The following RPS6KA6 variants were observed in gnomAD, a reference collection of about 807,000 sequenced individuals.
The protein encoded by RPS6KA6 is ribosomal protein S6 kinase A6, also known as ribosomal protein S6 kinase alpha-6.
RPS6KA6 carries 27 observed loss-of-function variants against 65.4 expected under a neutral mutation model. That is an observed-to-expected ratio of 0.41 (90% CI 0.30 to 0.57). RPS6KA6 has a LOEUF of 0.57. Ranked by LOEUF, RPS6KA6 falls within the 20% of genes least tolerant of loss-of-function variation. The probability of loss-of-function intolerance (pLI) is 0.24; values close to 1 mark genes in which losing one functional copy is unlikely to be tolerated. For synonymous variants in RPS6KA6, 190 were observed against 184.2 expected, an observed-to-expected ratio of 1.03 and a Z score of -0.26; for missense variants, 486 against 555.6, an observed-to-expected ratio of 0.87 and a Z score of 1.26.
intron 1 of RPS6KA6, among the ~76,000 whole-genome samples, chrX:84,178,912 GA>G (rs200070157): frequency 0.055 from 5,690 of 103,852 alleles, 200 homozygotes; most frequent in East Asian, 0.21. Context: ...ATTCATAAAA[GA>G]AAAAAAAAAC....
chrX:84,106,829 A>G, intron 14 of RPS6KA6, 81 bp downstream of exon 14: 3 of 836,726 alleles, frequency 3.6e-6, no homozygotes. Context: ...AATCACTTTA[A>G]AAAAAACGAT....
At chrX:84,182,057 T>TCA (rs777572595) in intron 1 of RPS6KA6, among the ~76,000 whole-genome samples, 9 of 98,417 alleles carry the variant, frequency 9.1e-5, no homozygotes, top group African/African-American at 3.3e-4. Context: ...TCTCTCTCTC[T>TCA]CTCTCTCACA....
chrX:84,161,764 T>C (rs1376108804), intron 2 of RPS6KA6, among the ~76,000 whole-genome samples: 1 of 111,988 alleles, frequency 8.9e-6, no homozygotes, highest in Admixed American at 9.5e-5. Flanking sequence ...TTTCAAAATA[T>C]ACATTTTCAG....
chrX:84,104,131 G>C (rs1391885335), intron 17 of RPS6KA6, among the ~76,000 whole-genome samples: 2 of 110,704 alleles, frequency 1.8e-5, no homozygotes, highest in East Asian at 5.6e-4. Flanking sequence ...CAAGGTTCAA[G>C]ATACATGTTA....
chrX:84,171,489 A>G (rs1288518423), intron 1 of RPS6KA6, among the ~76,000 whole-genome samples: 1 of 111,761 alleles, frequency 8.9e-6, no homozygotes, highest in Admixed American at 9.5e-5. Flanking sequence ...CTCATTTGGT[A>G]GAAATAAAAC....
At position 84,187,910 on chromosome X, in the gene RPS6KA6, G is replaced by A. The variant is rs763804397; in HGVS notation, c.-11C>T. The A allele has an allele frequency of 1.7e-6, 2 of 1,183,260 alleles. No individual in the cohort carries two copies. Among genetic ancestry groups the A allele is most frequent in the Admixed American group, 4.5e-5 (2 of 44,068 alleles). On this transcript the variant is annotated 5_prime_UTR_variant, in exon 1 of 22. Transcript: ENST00000262752. ...AGCGAATGGTAGCATCTCCCCTTCA[G>A]GAGCACTCAAACAGGAGCTGCCGCC...
intron 1 of RPS6KA6, among the ~76,000 whole-genome samples, chrX:84,168,948 GTGTA>G (rs1569242764): frequency 8.9e-6 from 1 of 111,930 alleles, no homozygotes; most frequent in Non-Finnish European, 1.9e-5. Flanking sequence ...GAGAACCACA[GTGTA>G]TACTCATTGA....
intron 3 of RPS6KA6, among the ~76,000 whole-genome samples, chrX:84,152,036 C>G (rs1400956728): frequency 1.8e-5 from 2 of 111,070 alleles, no homozygotes; most frequent in African/African-American, 3.3e-5. Context: ...TGAGAAGAGG[C>G]AAGCAAGGAA....
At chrX:84,100,359 A>T (rs1422986396) in intron 18 of RPS6KA6, among the ~76,000 whole-genome samples, 1 of 110,680 alleles carries the variant, frequency 9.0e-6, no homozygotes, top group Non-Finnish European at 1.9e-5. Context: ...CATTAATCTA[A>T]AACTGTTTAC....
intron 8 of RPS6KA6, among the ~76,000 whole-genome samples, chrX:84,134,342 G>A (rs919448898): frequency 9.0e-6 from 1 of 111,383 alleles, no homozygotes; most frequent in African/African-American, 3.3e-5. Flanking sequence ...ATTTTTCTAG[G>A]ATAAATGCTC....
chrX:84,066,431 CG>C (rs900223931), intron 20 of RPS6KA6, among the ~76,000 whole-genome samples: 3 of 93,685 alleles, frequency 3.2e-5, no homozygotes, highest in Admixed American at 2.5e-4. Context: ...GCGGCGGGGG[CG>C]GGGGGGTGTC....
At position 84,116,241 on chromosome X, in the gene RPS6KA6, A is replaced by G; in HGVS notation, c.996T>C (p.Asn332=). Residue 332 remains asparagine, a synonymous_variant, in exon 12 of 22, where the codon AAT becomes AAC. Transcript: ENST00000262752. ...CTACTTAACTTACATCCCAGTCAAT[A>G]TTTGCAAAAAACAGATGTCTTTTGA... ...EEIKRHLFFA[N]IDWDKLYKRE... is the part of the protein sequence containing the mutation. 8.8e-7 allele frequency: 1 copy of G among 1,136,962 alleles called. No homozygotes were observed. Among genetic ancestry groups the G allele is most frequent in the Non-Finnish European group, 1.2e-6 (1 of 835,352 alleles). 93.7% of individuals were successfully genotyped at this position (1,136,962 alleles called of 1,213,427 possible).
At chrX:84,099,168 C>T (rs760068362) in intron 18 of RPS6KA6, among the ~76,000 whole-genome samples, 2 of 110,987 alleles carry the variant, frequency 1.8e-5, no homozygotes, top group Non-Finnish European at 3.8e-5. Context: ...CTGTAGGTAC[C>T]ATATACTCCT....
chrX:84,164,498 T>A, intron 1 of RPS6KA6, 111 bp from the exon 2 acceptor site: 1 of 511,281 alleles, frequency 2.0e-6, no homozygotes, highest in Non-Finnish European at 3.3e-6. Flanking sequence ...GATCCACACT[T>A]ACTGAAAAAC....
At chrX:84,139,209 T>C (rs1369639985) in intron 6 of RPS6KA6, among the ~76,000 whole-genome samples, 3 of 112,288 alleles carry the variant, frequency 2.7e-5, no homozygotes, top group Non-Finnish European at 3.8e-5. Context: ...TGGGTTTAGA[T>C]AGTCCCACAT....
At chrX:84,081,583 T>C (rs2033800822) in intron 20 of RPS6KA6, among the ~76,000 whole-genome samples, 1 of 111,508 alleles carries the variant, frequency 9.0e-6, no homozygotes, top group Non-Finnish European at 1.9e-5. Flanking sequence ...TTCCAAATAA[T>C]AGAAAAATAG....
intron 8 of RPS6KA6, among the ~76,000 whole-genome samples, chrX:84,130,853 G>A (rs776666119): frequency 1.8e-5 from 2 of 111,515 alleles, no homozygotes; most frequent in East Asian, 2.8e-4. Flanking sequence ...GTAAAGGGAG[G>A]ACTGACTTAT....
At chrX:84,188,369 G>C (rs1199137210), upstream of RPS6KA6, among the ~76,000 whole-genome samples, 7 of 110,246 alleles carry the variant, frequency 6.3e-5, no homozygotes, top group Non-Finnish European at 1.1e-4. Flanking sequence ...GGGCGGGATA[G>C]AGGGGCGGGG....
chrX:84,077,343 T>C (rs1316192574), intron 20 of RPS6KA6, among the ~76,000 whole-genome samples: 2 of 111,218 alleles, frequency 1.8e-5, no homozygotes, highest in Admixed American at 1.9e-4. Context: ...GAAACACTCA[T>C]GGTACCTGAT....
Sources: gnomAD v4.1 joint callset for allele counts (sites outside exome capture counted in the v4.1 genomes callset) on GRCh38, gnomAD v4.1.1 for gene constraint, MANE v1.5 for transcripts, NCBI Gene and HGNC (gene_info 2026-07-23, HGNC 2026-07-21) for gene names.